ESRRG: variants seen among roughly 807,000 people sequenced by gnomAD.
The protein encoded by ESRRG is estrogen-related receptor gamma.
Under a neutral mutation model 44.0 loss-of-function variants are expected in ESRRG, and 13 were observed. The ratio of observed to expected loss-of-function variants is 0.30; its 90% confidence interval spans 0.19 to 0.47. ESRRG has a LOEUF of 0.47. ESRRG is among the 20% of genes least tolerant of loss of function. The pLI is 1.00. For synonymous variants in ESRRG, 215 were observed against 214.6 expected, an observed-to-expected ratio of 1.00 and a Z score of -0.02; for missense variants, 395 against 580.6, an observed-to-expected ratio of 0.68 and a Z score of 3.29.
intron 2 of ESRRG, among the ~76,000 whole-genome samples, chr1:216,866,503 C>G (rs2096162304): frequency 6.6e-6 from 1 of 152,060 alleles, no homozygotes. Flanking sequence ...TATACTAGCT[C>G]TCCAATGTAG....
chr1:216,922,949 T>C (rs1312526920), intron 2 of ESRRG, among the ~76,000 whole-genome samples: 1 of 151,616 alleles, frequency 6.6e-6, no homozygotes, highest in Non-Finnish European at 1.5e-5. Context: ...TGTCACTGTT[T>C]ATTAAAGATA....
intron 3 of ESRRG, among the ~76,000 whole-genome samples, chr1:216,575,266 T>C (rs1263570711): frequency 1.3e-5 from 2 of 152,088 alleles, no homozygotes; most frequent in African/African-American, 2.4e-5. Context: ...TATAAGATAA[T>C]TAAAGAAACC....
chr1:216,925,848 G>T (rs983113010), intron 2 of ESRRG, among the ~76,000 whole-genome samples: 17 of 152,152 alleles, frequency 1.1e-4, no homozygotes, highest in African/African-American at 4.1e-4. Context: ...TACTTGGGAG[G>T]CTGAGGCAGG....
intron 2 of ESRRG, chr1:216,862,180 C>T (rs1304479764): frequency 1.3e-5 from 2 of 150,982 alleles, no homozygotes; most frequent in Non-Finnish European, 2.9e-5. Flanking sequence ...AGGTTTTTAC[C>T]AAAGAGCAAT....
chr1:216,514,994 C>T (rs2043804225), intron 6 of ESRRG, among the ~76,000 whole-genome samples: 1 of 150,836 alleles, frequency 6.6e-6, no homozygotes, highest in African/African-American at 2.4e-5. Context: ...ACAACACACA[C>T]TTACATATGC....
At chr1:216,771,118 C>A (rs189655542) in intron 2 of ESRRG, among the ~76,000 whole-genome samples, 350 of 152,172 alleles carry the variant, frequency 2.3e-3, no homozygotes, top group Non-Finnish European at 4.3e-3. Context: ...AGGAGGCCAT[C>A]ATGCACTTCA....
intron 1 of ESRRG, among the ~76,000 whole-genome samples, chr1:217,026,893 A>T (rs2081257176): frequency 1.4e-5 from 1 of 70,326 alleles, no homozygotes; most frequent in African/African-American, 5.8e-5. Context: ...ACACATACAC[A>T]CACACACACA....
intron 2 of ESRRG, among the ~76,000 whole-genome samples, chr1:216,809,603 C>T (rs1231126690): frequency 6.6e-6 from 1 of 152,108 alleles, no homozygotes; most frequent in Non-Finnish European, 1.5e-5. Flanking sequence ...TGTTGTTCTC[C>T]ATAAAACCTA....
chr1:217,131,242 TA>T (rs2092961427), intron 1 of ESRRG, among the ~76,000 whole-genome samples: 1 of 151,956 alleles, frequency 6.6e-6, no homozygotes, highest in South Asian at 2.1e-4. Flanking sequence ...AATTTCTACA[TA>T]AAAAGGCATG....
At chr1:216,574,796 G>A (rs1231078337) in intron 3 of ESRRG, among the ~76,000 whole-genome samples, 2 of 152,096 alleles carry the variant, frequency 1.3e-5, no homozygotes, top group South Asian at 2.1e-4. Context: ...TTGCAATTGA[G>A]TATAGGGAGC....
intron 1 of ESRRG, among the ~76,000 whole-genome samples, chr1:216,991,248 A>T (rs2150516953): frequency 6.6e-6 from 1 of 152,238 alleles, no homozygotes; most frequent in South Asian, 2.1e-4. Flanking sequence ...GGCGCCAAAA[A>T]GGTTGGGGAC....
At chr1:216,529,349 G>A (rs1438938098) in intron 5 of ESRRG, among the ~76,000 whole-genome samples, 1 of 152,130 alleles carries the variant, frequency 6.6e-6, no homozygotes, top group East Asian at 1.9e-4. Flanking sequence ...GGATTCATGA[G>A]AAAATTATTC....
chr1:216,622,501 CAT>C lies in ESRRG; in HGVS notation c.589+28470_589+28471del, dbSNP rs1321510426. Among the ~76,000 whole-genome samples the C allele has an allele frequency of 4.6e-5, 7 of 152,218 alleles. No individual in the cohort carries two copies. In the East Asian group the frequency reaches 1.4e-3, roughly 29 times the overall value. On this transcript the variant is annotated intron_variant, in intron 3 of 6. Coordinates refer to ENST00000408911, the MANE Select transcript of ESRRG (RefSeq NM_001438.4). ...AGACTCCATACTTGAAATTCCCTCA[CAT>C]GTTAGAATGGCCTACACGTTGTAAA...
chr1:216,983,462 G>A (rs539696669), intron 1 of ESRRG, among the ~76,000 whole-genome samples: 2 of 152,096 alleles, frequency 1.3e-5, no homozygotes, highest in East Asian at 3.9e-4. Context: ...AAACTCCTGG[G>A]CTCAAGCGAT....
chr1:216,988,209 T>C (rs1369149464), intron 1 of ESRRG, among the ~76,000 whole-genome samples: 1 of 152,184 alleles, frequency 6.6e-6, no homozygotes, highest in Admixed American at 6.5e-5. Flanking sequence ...ATTACTTTAC[T>C]TATTATCATC....
At chr1:216,782,363 C>G (rs937548631) in intron 2 of ESRRG, among the ~76,000 whole-genome samples, 2 of 152,008 alleles carry the variant, frequency 1.3e-5, no homozygotes, top group Non-Finnish European at 2.9e-5. Flanking sequence ...TATTTTCTCT[C>G]TGTCTCTGTC....
chr1:216,583,021 A>C (rs1441237320), intron 3 of ESRRG, among the ~76,000 whole-genome samples: 1 of 151,750 alleles, frequency 6.6e-6, no homozygotes, highest in African/African-American at 2.4e-5. Context: ...GAAGGAAATT[A>C]AAAAGAGTCT....
intron 1 of ESRRG, among the ~76,000 whole-genome samples, chr1:216,686,563 C>G (rs2078018355): frequency 6.6e-6 from 1 of 151,638 alleles, no homozygotes; most frequent in Non-Finnish European, 1.5e-5. Flanking sequence ...TTGTCACATT[C>G]AAAAGTCCAA....
intron 5 of ESRRG, among the ~76,000 whole-genome samples, chr1:216,526,928 GA>G: frequency 6.6e-6 from 1 of 152,262 alleles, no homozygotes; most frequent in East Asian, 1.9e-4. Context: ...CTAGAAGGTA[GA>G]AAAAGTATTC....
Sources: gnomAD v4.1 joint callset for allele counts (sites outside exome capture counted in the v4.1 genomes callset) on GRCh38, gnomAD v4.1.1 for gene constraint, MANE v1.5 for transcripts, NCBI Gene and HGNC (gene_info 2026-07-23, HGNC 2026-07-21) for gene names.